CNOT2: variants seen among roughly 807,000 people sequenced by gnomAD.
CNOT2 encodes the protein CC chemokine receptor 4-negative regulator of transcription 2.
Under a neutral mutation model 72.1 loss-of-function variants are expected in CNOT2, and 7 were observed. The ratio of observed to expected loss-of-function variants is 0.10; its 90% CI spans 0.06 to 0.18. CNOT2 has a LOEUF of 0.18. Ranked by LOEUF, CNOT2 falls within the 10% of genes least tolerant of loss-of-function variation. CNOT2 has a pLI of 1.00. For synonymous variants in CNOT2, 196 were observed against 225.6 expected, an observed-to-expected ratio of 0.87 and a Z score of 1.17; for missense variants, 345 against 660.3, an observed-to-expected ratio of 0.52 and a Z score of 5.23.
At chr12:70,331,266 G>T (rs547052769) in intron 6 of CNOT2, 44 of 151,894 alleles carry the variant, frequency 2.9e-4, no homozygotes, top group African/African-American at 1.1e-3. Flanking sequence ...ATTAAAATAG[G>T]TTTAGCACAT....
chr12:70,298,827 T>A (rs1204622421), intron 2 of CNOT2, among the ~76,000 whole-genome samples: 3 of 152,144 alleles, frequency 2.0e-5, no homozygotes, highest in East Asian at 3.9e-4. Flanking sequence ...TTACAAAACA[T>A]CTTATAAGCC....
chr12:70,256,231 C>T (rs924392615), intron 1 of CNOT2, among the ~76,000 whole-genome samples: 2 of 152,044 alleles, frequency 1.3e-5, no homozygotes, highest in Non-Finnish European at 2.9e-5. Flanking sequence ...TATATTTTTG[C>T]TTTTCTGTCA....
chr12:70,247,414 C>T (rs1274778785), intron 1 of CNOT2, among the ~76,000 whole-genome samples: 1 of 152,138 alleles, frequency 6.6e-6, no homozygotes, highest in African/African-American at 2.4e-5. Context: ...CCTCACCCTC[C>T]CAAAGTGCTG....
chr12:70,286,353 TGA>T (rs1467038156), intron 2 of CNOT2, among the ~76,000 whole-genome samples: 1 of 108,470 alleles, frequency 9.2e-6, no homozygotes, highest in East Asian at 2.6e-4. Flanking sequence ...TGAGATATAT[TGA>T]GATATTCTTC....
chr12:70,277,684 T>C (rs1869084931), intron 1 of CNOT2, among the ~76,000 whole-genome samples: 1 of 152,204 alleles, frequency 6.6e-6, no homozygotes, highest in South Asian at 2.1e-4. Flanking sequence ...TCGGTAGCTG[T>C]GTGAATAACT....
chr12:70,300,336 A>C (rs796859471), intron 2 of CNOT2, among the ~76,000 whole-genome samples: 1 of 152,022 alleles, frequency 6.6e-6, no homozygotes, highest in African/African-American at 2.4e-5. Flanking sequence ...TTTCTTCTAG[A>C]GTTTTTATGG....
intron 1 of CNOT2, among the ~76,000 whole-genome samples, chr12:70,254,111 G>T (rs919202490): frequency 2.0e-5 from 3 of 151,938 alleles, no homozygotes; most frequent in South Asian, 4.2e-4. Flanking sequence ...GGTGGCACGC[G>T]CCTGTAGTCC....
At chr12:70,329,018 A>G (rs1017266091) in intron 4 of CNOT2, among the ~76,000 whole-genome samples, 2 of 151,950 alleles carry the variant, frequency 1.3e-5, no homozygotes, top group African/African-American at 4.8e-5. Context: ...GTCTTTCTGT[A>G]TACATTAGTT....
At chr12:70,275,909 T>C (rs1170487750) in intron 1 of CNOT2, among the ~76,000 whole-genome samples, 1 of 152,088 alleles carries the variant, frequency 6.6e-6, no homozygotes, top group Non-Finnish European at 1.5e-5. Flanking sequence ...TGTTAACTTT[T>C]CATGTTTATT....
At chr12:70,316,629 C>A (rs1218639772) in intron 3 of CNOT2, among the ~76,000 whole-genome samples, 1 of 152,138 alleles carries the variant, frequency 6.6e-6, no homozygotes, top group African/African-American at 2.4e-5. Flanking sequence ...CATTAAACTA[C>A]TTTTATTATT....
At chr12:70,308,337 C>G (rs539030838) in intron 2 of CNOT2, among the ~76,000 whole-genome samples, 2 of 152,100 alleles carry the variant, frequency 1.3e-5, no homozygotes, top group Admixed American at 1.3e-4. Context: ...AGAATTGTCT[C>G]ATACCAGCAC....
intron 2 of CNOT2, among the ~76,000 whole-genome samples, chr12:70,310,585 AAATC>A (rs1175945006): frequency 6.6e-6 from 1 of 152,018 alleles, no homozygotes; most frequent in Non-Finnish European, 1.5e-5. Context: ...AATTTTTAAA[AAATC>A]TATGTATGGG....
intron 2 of CNOT2, among the ~76,000 whole-genome samples, chr12:70,308,363 G>A (rs1875805468): frequency 6.6e-6 from 1 of 151,876 alleles, no homozygotes; most frequent in African/African-American, 2.4e-5. Context: ...TCTGGATGGG[G>A]GTTTGCATTC....
At chr12:70,267,366 CTG>C (rs1409338146) in intron 1 of CNOT2, among the ~76,000 whole-genome samples, 1 of 152,176 alleles carries the variant, frequency 6.6e-6, no homozygotes, top group Non-Finnish European at 1.5e-5. Context: ...GTCTCTGCCT[CTG>C]TTTTCACATG....
chr12:70,350,029 T>G (rs1157572353), intron 15 of CNOT2, among the ~76,000 whole-genome samples: 1 of 151,928 alleles, frequency 6.6e-6, no homozygotes, highest in Non-Finnish European at 1.5e-5. Flanking sequence ...TAACATTGTA[T>G]TTTGCTTATT....
chr12:70,324,510 A>T (rs1041713145), intron 4 of CNOT2, among the ~76,000 whole-genome samples: 1 of 151,766 alleles, frequency 6.6e-6, no homozygotes, highest in African/African-American at 2.4e-5. Flanking sequence ...ATCAAGAATG[A>T]TTTCTAAGGT....
At chr12:70,302,735 C>T (rs1215566801) in intron 2 of CNOT2, among the ~76,000 whole-genome samples, 2 of 152,184 alleles carry the variant, frequency 1.3e-5, no homozygotes, top group African/African-American at 4.8e-5. Context: ...ATTAGGTCCA[C>T]TTGGTGCAGA....
chr12:70,301,649 T>C (rs1874001545), intron 2 of CNOT2: 1 of 152,280 alleles, frequency 6.6e-6, no homozygotes, highest in Non-Finnish European at 1.5e-5. Context: ...GATTTTTGCA[T>C]CAATGTTTAT....
chr12:70,309,786 G>A (rs557913210), intron 2 of CNOT2, among the ~76,000 whole-genome samples: 1 of 152,170 alleles, frequency 6.6e-6, no homozygotes, highest in Admixed American at 6.5e-5. Flanking sequence ...AAGACACATT[G>A]ACCTTAAATA....
Sources: allele counts gnomAD v4.1 joint callset (sites outside exome capture counted in the v4.1 genomes callset), GRCh38; gene constraint gnomAD v4.1.1; transcripts MANE v1.5; gene names NCBI Gene and HGNC (gene_info 2026-07-23, HGNC 2026-07-21).